LHFPL5: variants seen among roughly 807,000 people sequenced by gnomAD.
LHFPL5 encodes the protein LHFPL tetraspan subfamily member 5 protein.
A neutral mutation model predicts 18.7 loss-of-function variants in LHFPL5; 12 were observed. The ratio of observed to expected loss-of-function variants is 0.64; its 90% CI spans 0.41 to 1.04. LHFPL5 has a LOEUF of 1.04. LHFPL5 is among the 50% of genes least tolerant of loss of function. The probability of loss-of-function intolerance (pLI) is 0.00; values close to 1 mark genes in which losing one functional copy is unlikely to be tolerated. For synonymous variants in LHFPL5, 111 were observed against 120.2 expected (o/e 0.92, Z 0.50); for missense variants, 259 against 292.1 (o/e 0.89, Z 0.83).
At chr6:35,812,635 G>C (rs1428140004) in intron 1 of LHFPL5, among the ~76,000 whole-genome samples, 1 of 152,202 alleles carries the variant, frequency 6.6e-6, no homozygotes, top group Non-Finnish European at 1.5e-5. Context: ...GGAGTGCCAA[G>C]TCTGTGCCAG....
chr6:35,811,339 A>G (rs1768662087), intron 1 of LHFPL5: 1 of 152,232 alleles, frequency 6.6e-6, no homozygotes, highest in African/African-American at 2.4e-5. Context: ...TGTACAAGAC[A>G]TCATAGTAAG....
chr6:35,822,271 G>A (rs1326085468), intron 3 of LHFPL5, among the ~76,000 whole-genome samples: 1 of 151,920 alleles, frequency 6.6e-6, no homozygotes, highest in African/African-American at 2.4e-5. Flanking sequence ...TGCTTCTGTT[G>A]ATAATATCCC....
chr6:35,810,538 C>T (rs1467166871), intron 1 of LHFPL5, among the ~76,000 whole-genome samples: 1 of 152,012 alleles, frequency 6.6e-6, no homozygotes, highest in Non-Finnish European at 1.5e-5. Flanking sequence ...AACACAGTGA[C>T]ACCCCGTGTT....
Position 35,814,670 on chromosome 6 carries a change from C to T in LHFPL5, c.537C>T (p.Phe179=). ...GCCACTGCACCATCCGCTGGGCCTT[C>T]ATGCTGGCCATCCTCAGCATTGGCG... The part of the protein sequence containing the change: ...TLGHCTIRWA[F]MLAILSIGDA... Residue 179 remains phenylalanine (F), a synonymous_variant, in exon 2 of 4, where the codon TTC becomes TTT. Transcript: ENST00000360215. This position sits in a 1 kb window ranked among gnomAD's most constrained non-coding sequence, Gnocchi z 4.2. 1 of 1,614,164 alleles carries T rather than the reference C, an allele frequency of 6.2e-7. No homozygotes were observed. Among genetic ancestry groups the T allele is most frequent in the Non-Finnish European group, 8.5e-7 (1 of 1,180,030 alleles).
chr6:35,818,688 C>T (rs1437794699), intron 2 of LHFPL5, among the ~76,000 whole-genome samples: 2 of 150,898 alleles, frequency 1.3e-5, no homozygotes, highest in Non-Finnish European at 3.0e-5. Flanking sequence ...AAAGGAAGTG[C>T]TGAGGATCTC....
intron 3 of LHFPL5, among the ~76,000 whole-genome samples, chr6:35,820,643 T>C (rs1048789697): frequency 1.3e-5 from 2 of 151,796 alleles, no homozygotes; most frequent in African/African-American, 4.8e-5. Flanking sequence ...GAGCTTGCAG[T>C]GAGCTGAGAT....
chr6:35,805,551 G>A lies in LHFPL5; in HGVS notation c.-120G>A. 1.0e-6 allele frequency: 1 copy of A among 980,200 alleles called. No homozygotes were observed. Among genetic ancestry groups the A allele is most frequent in the South Asian group, 1.4e-5 (1 of 73,640 alleles). 60.7% of individuals were successfully genotyped at this position (980,200 alleles called of 1,614,324 possible). The stretch of plus-strand genomic sequence containing the variant: ...TTGCCTTGAAGGGACCTCACCTGGT[G>A]CCCTGACCTCAGCCTCCTCCCCAAA... On this transcript the variant is annotated 5_prime_UTR_variant, in exon 1 of 4. Transcript: ENST00000360215. The surrounding 1 kb of genome is among the most constrained non-coding windows in gnomAD (Gnocchi z 4.3).
chr6:35,810,826 C>CAA (rs11339201), intron 1 of LHFPL5, among the ~76,000 whole-genome samples: 2 of 87,742 alleles, frequency 2.3e-5, no homozygotes, highest in Non-Finnish European at 4.8e-5. Flanking sequence ...GACTCCGTCT[C>CAA]AAAAAAAAAA....
In LHFPL5 at chr6:35,823,974, C is replaced by T. The variant is rs995080029; in HGVS notation, c.*1009C>T. The stretch of plus-strand genomic sequence containing the variant: ...TGCCCAAGTCCTCAGCTAAAAATAG[C>T]GTAGTATTTGCATATAACCTATGCA... On this transcript the variant is annotated 3_prime_UTR_variant, in exon 4 of 4. Transcript: ENST00000360215. The T allele has an allele frequency of 1.3e-5, 2 of 152,060 alleles. No homozygotes were observed. Among genetic ancestry groups the T allele is most frequent in the Non-Finnish European group, 2.9e-5 (2 of 68,014 alleles). 9.4% of individuals were successfully genotyped at this position (152,060 alleles called of 1,614,324 possible). A position where few individuals can be genotyped will look rare whatever the true frequency, so the allele number is the denominator to read the frequency against.
intron 1 of LHFPL5, among the ~76,000 whole-genome samples, chr6:35,809,161 TGGG>T (rs1227449725): frequency 1.3e-5 from 2 of 152,138 alleles, no homozygotes; most frequent in Non-Finnish European, 1.5e-5. Flanking sequence ...AGGTGTAGGC[TGGG>T]AGTTGTCCCA....
At chr6:35,812,257 C>T (rs1768677442) in intron 1 of LHFPL5, among the ~76,000 whole-genome samples, 1 of 152,178 alleles carries the variant, frequency 6.6e-6, no homozygotes, top group Admixed American at 6.5e-5. Flanking sequence ...GACCTCCTGA[C>T]CTTCTTTGTA....
At chr6:35,819,365 G>T in intron 2 of LHFPL5, 72 bp from the exon 3 acceptor site, 1 of 1,369,564 alleles carries the variant, frequency 7.3e-7, no homozygotes, top group Non-Finnish European at 1.0e-6. Flanking sequence ...TTTGGAGATG[G>T]AGTAGTGTGC....
At chr6:35,808,276 T>G (rs376248945) in intron 1 of LHFPL5, among the ~76,000 whole-genome samples, 33 of 145,058 alleles carry the variant, frequency 2.3e-4, no homozygotes, top group African/African-American at 8.4e-4. Flanking sequence ...CTGGACAACA[T>G]AGTGAGACCC....
rs759890197 is a variant in LHFPL5 at position 35,814,551 on chromosome 6, G to T, written c.418G>T (p.Gly140Cys). ...CACCCCTCCTTCCCCCTCAGCCACA[G>T]GCCTAATGATTGGCTGCCTGGTCTA... ...CAWMQLAAATGLMIGCLVYPD... is the reference protein window; with the variant it reads ...CAWMQLAAATCLMIGCLVYPD... The change falls in exon 2 of 4, where the codon GGC (glycine) becomes TGC (cysteine). Residue 140 changes from glycine (G) to cysteine (C), a missense_variant. Coordinates refer to ENST00000360215, the MANE Select transcript of LHFPL5 (RefSeq NM_182548.4). The surrounding 1 kb of genome is among the most constrained non-coding windows in gnomAD (Gnocchi z 4.2). 12 of 1,613,540 alleles carry T rather than the reference G, an allele frequency of 7.4e-6. No individual in the cohort carries two copies. Among genetic ancestry groups the T allele is most frequent in the Non-Finnish European group, 1.0e-5 (12 of 1,179,566 alleles).
Position 35,814,837 on chromosome 6 carries a change from TG to T in LHFPL5, c.649+60del, listed in dbSNP as rs1768732009. Reference sequence around the variant, plus strand: ...CTGCCTGGAGACCCTGGGATGTGGGTGGGGGTTCATCTTAGCCAGTCCTCTA... The same window carrying T: ...CTGCCTGGAGACCCTGGGATGTGGGTGGGGTTCATCTTAGCCAGTCCTCTA... On this transcript the variant is annotated intron_variant, in intron 2 of 3. Transcript: ENST00000360215. This position sits in a 1 kb window ranked among gnomAD's most constrained non-coding sequence, Gnocchi z 4.2. 2.0e-6 allele frequency: 3 copies of T among 1,506,766 alleles called. No homozygotes were observed. Among genetic ancestry groups the T allele is most frequent in the Admixed American group, 1.7e-5 (1 of 59,820 alleles). The allele number at this position is 1,506,766 out of a possible 1,614,324, so 93.3% of individuals were successfully genotyped here. A position where few individuals can be genotyped will look rare whatever the true frequency, so the allele number is the denominator to read the frequency against.
chr6:35,818,341 ATATATATG>A (rs1768801270), intron 2 of LHFPL5, among the ~76,000 whole-genome samples: 6 of 13,146 alleles, frequency 4.6e-4, no homozygotes, highest in Non-Finnish European at 6.1e-4. Flanking sequence ...ATATATATAT[ATATATATG>A]TATTTTTTTT....
In LHFPL5 at chr6:35,805,835, C is replaced by T. The variant is rs995030488; in HGVS notation, c.165C>T (p.Asn55=). The T allele has an allele frequency of 6.2e-7, 1 of 1,614,262 alleles. No homozygotes were observed. Among genetic ancestry groups the T allele is most frequent in the South Asian group, 1.1e-5 (1 of 91,088 alleles). ...CCTACTGGATCGGCGACAGCGTCAACACACCGCAGGCAGGCTACTTCGGCC... is the reference window on the plus strand; with the variant it reads ...CCTACTGGATCGGCGACAGCGTCAATACACCGCAGGCAGGCTACTTCGGCC... ...IQPYWIGDSV[N]TPQAGYFGLF... is the part of the protein sequence containing the mutation. The change falls in exon 1 of 4, where the codon AAC becomes AAT. Residue 55 remains asparagine (N), a synonymous_variant. Transcript: ENST00000360215. This position sits in a 1 kb window ranked among gnomAD's most constrained non-coding sequence, Gnocchi z 4.3.
At chr6:35,811,796 C>T (rs975687902) in intron 1 of LHFPL5, among the ~76,000 whole-genome samples, 1 of 152,236 alleles carries the variant, frequency 6.6e-6, no homozygotes, top group Admixed American at 6.5e-5. Context: ...GGTTTCACCA[C>T]GGAGCTGTGG....
intron 2 of LHFPL5, among the ~76,000 whole-genome samples, chr6:35,818,125 G>C (rs1172387638): frequency 6.6e-6 from 1 of 152,054 alleles, no homozygotes; most frequent in Non-Finnish European, 1.5e-5. Context: ...GTTTCCATTT[G>C]TATATCTGTG....
Sources: gnomAD v4.1 joint callset for allele counts (sites outside exome capture counted in the v4.1 genomes callset) on GRCh38, gnomAD v4.1.1 for gene constraint, Gnocchi (gnomAD v3.1) non-coding constraint, MANE v1.5 for transcripts, NCBI Gene and HGNC (gene_info 2026-07-23, HGNC 2026-07-21) for gene names.